The following TTC28 variants were observed in gnomAD, a reference collection of about 807,000 sequenced individuals.
TTC28 encodes tetratricopeptide repeat domain 28.
A neutral mutation model predicts 198.0 loss-of-function variants in TTC28; 61 were observed. The ratio of observed to expected loss-of-function variants is 0.31; its 90% CI spans 0.25 to 0.38. The LOEUF (loss-of-function observed/expected upper bound fraction) is 0.38, where lower values mean the gene tolerates loss of function less well. TTC28 is among the 10% of genes least tolerant of loss of function. TTC28 has a pLI of 1.00. For synonymous variants in TTC28, 1,171 were observed against 1,297.8 expected (o/e 0.90, Z 2.10); for missense variants, 2,678 against 3,164.0 (o/e 0.85, Z 3.69).
chr22:28,586,679 G>C (rs1278096323), intron 2 of TTC28, among the ~76,000 whole-genome samples: 1 of 152,114 alleles, frequency 6.6e-6, no homozygotes, highest in Non-Finnish European at 1.5e-5. Flanking sequence ...AGACAGGAAT[G>C]AACCTCATAC....
chr22:28,492,927 G>C (rs528940854), intron 2 of TTC28, among the ~76,000 whole-genome samples: 1 of 151,702 alleles, frequency 6.6e-6, no homozygotes, highest in Non-Finnish European at 1.5e-5. Flanking sequence ...AAGACCAGGG[G>C]AGTCACATCA....
intron 2 of TTC28, among the ~76,000 whole-genome samples, chr22:28,551,004 A>G (rs1378582567): frequency 6.6e-6 from 1 of 152,128 alleles, no homozygotes; most frequent in African/African-American, 2.4e-5. Flanking sequence ...TTTAACAGGA[A>G]AATATCACAA....
At chr22:28,586,205 G>A (rs1319589820) in intron 2 of TTC28, among the ~76,000 whole-genome samples, 1 of 151,674 alleles carries the variant, frequency 6.6e-6, no homozygotes, top group African/African-American at 2.4e-5. Flanking sequence ...CGTGAACCTG[G>A]GAGGCAGAGC....
intron 6 of TTC28, among the ~76,000 whole-genome samples, chr22:28,123,248 T>G (rs116211144): frequency 0.078 from 11,771 of 151,778 alleles, 508 homozygotes; most frequent in South Asian, 0.096. Flanking sequence ...AGGTTTTTTT[T>G]TTTGTTTGTT....
intron 5 of TTC28, among the ~76,000 whole-genome samples, chr22:28,168,015 T>A (rs111514705): frequency 2.0e-5 from 3 of 152,278 alleles, no homozygotes; most frequent in African/African-American, 7.2e-5. Context: ...CAAGCATTCC[T>A]ATACACCAAA....
At chr22:28,636,878 T>C (rs1407477950) in intron 1 of TTC28, among the ~76,000 whole-genome samples, 3 of 152,114 alleles carry the variant, frequency 2.0e-5, no homozygotes, top group Non-Finnish European at 4.4e-5. Context: ...TTTAGTTTGA[T>C]GTAGTCCCAT....
At chr22:28,454,674 T>C (rs1488336741) in intron 2 of TTC28, among the ~76,000 whole-genome samples, 2 of 152,218 alleles carry the variant, frequency 1.3e-5, no homozygotes, top group East Asian at 3.8e-4. Context: ...TTTACACTGA[T>C]GAGAATCTTG....
intron 2 of TTC28, among the ~76,000 whole-genome samples, chr22:28,365,875 A>T (rs134513): frequency 0.98 from 149,053 of 152,286 alleles, 72,943 homozygotes; most frequent in East Asian, 0.99. Context: ...CTCATAGGGA[A>T]TAGGAATTTT....
intron 5 of TTC28, among the ~76,000 whole-genome samples, chr22:28,260,679 T>C (rs1234032634): frequency 1.3e-5 from 2 of 152,124 alleles, no homozygotes; most frequent in Non-Finnish European, 2.9e-5. Context: ...AAAAACAGCA[T>C]CACCAAAATT....
intron 13 of TTC28, among the ~76,000 whole-genome samples, chr22:28,016,985 C>T (rs538768965): frequency 4.7e-4 from 71 of 152,312 alleles, no homozygotes; most frequent in Non-Finnish European, 2.2e-4. Context: ...CTGATGCCGG[C>T]CAGCAATTCA....
chr22:28,324,747 A>G (rs954600203), intron 2 of TTC28, among the ~76,000 whole-genome samples: 8 of 152,194 alleles, frequency 5.3e-5, no homozygotes, highest in African/African-American at 9.6e-5. Flanking sequence ...TCTAAAAATA[A>G]TAAGAGCTAT....
At chr22:28,167,968 C>G (rs1220261555) in intron 5 of TTC28, among the ~76,000 whole-genome samples, 7 of 152,196 alleles carry the variant, frequency 4.6e-5, no homozygotes, top group African/African-American at 1.4e-4. Context: ...GGAACTTCAG[C>G]AAAGTCTCAG....
rs562320655 is a variant in TTC28 at position 28,023,053 on chromosome 22, G to A, written c.4073+7173C>T. Among the ~76,000 whole-genome samples, 163 of 152,320 alleles carry A rather than the reference G, an allele frequency of 1.1e-3. 1 individual carries two copies. The highest frequency in any genetic ancestry group is 3.5e-3 in the African/African-American group (144 of 41,574). On this transcript the variant is annotated intron_variant, in intron 13 of 22. Coordinates refer to ENST00000397906, the MANE Select transcript of TTC28 (RefSeq NM_001145418.2). Reference sequence around the variant, plus strand: ...TACAGGCAGGGACCCTGGCTCTTACGGTGGTGCCTGGCTCCTCTCAAGCCC... The same window carrying A: ...TACAGGCAGGGACCCTGGCTCTTACAGTGGTGCCTGGCTCCTCTCAAGCCC...
intron 12 of TTC28, among the ~76,000 whole-genome samples, chr22:28,066,322 TGCGC>T (rs199745308): frequency 6.6e-6 from 1 of 151,632 alleles, no homozygotes; most frequent in Non-Finnish European, 1.5e-5. Flanking sequence ...TGTGTGTGTG[TGCGC>T]GCGCGCATGC....
intron 1 of TTC28, among the ~76,000 whole-genome samples, chr22:28,672,735 G>A (rs987492882): frequency 6.6e-6 from 1 of 152,234 alleles, no homozygotes; most frequent in Non-Finnish European, 1.5e-5. Flanking sequence ...TTGGAGAACT[G>A]AAGAGGTAAT....
chr22:28,065,029 T>C (rs1025743050), intron 12 of TTC28, among the ~76,000 whole-genome samples: 6 of 152,192 alleles, frequency 3.9e-5, no homozygotes, highest in African/African-American at 7.2e-5. Context: ...ACATTATACA[T>C]AGGAATGCAT....
At chr22:28,249,377 T>C (rs1192948287) in intron 5 of TTC28, among the ~76,000 whole-genome samples, 2 of 152,252 alleles carry the variant, frequency 1.3e-5, no homozygotes, top group East Asian at 1.9e-4. Context: ...TCACTTCTCA[T>C]AGGATAGCAA....
At chr22:28,408,636 G>A (rs2047035112) in intron 2 of TTC28, among the ~76,000 whole-genome samples, 1 of 152,200 alleles carries the variant, frequency 6.6e-6, no homozygotes, top group Admixed American at 6.5e-5. Flanking sequence ...TGATCCACCT[G>A]CGTCGGCCTC....
intron 2 of TTC28, among the ~76,000 whole-genome samples, chr22:28,367,454 T>G (rs2046265916): frequency 6.6e-6 from 1 of 152,000 alleles, no homozygotes; most frequent in African/African-American, 2.4e-5. Context: ...TAAGGGAAAT[T>G]TATGACTATA....
Sources: allele counts gnomAD v4.1 joint callset (sites outside exome capture counted in the v4.1 genomes callset), GRCh38; gene constraint gnomAD v4.1.1; transcripts MANE v1.5; gene names NCBI Gene and HGNC (gene_info 2026-07-23, HGNC 2026-07-21).